Variants in CERS3 observed in about 807,000 individuals in gnomAD.
The protein encoded by CERS3 is ceramide synthase 3.
Under a neutral mutation model 50.3 loss-of-function variants are expected in CERS3, and 33 were observed. The observed-to-expected ratio is 0.66, with a 90% confidence interval of 0.50 to 0.88. The LOEUF is 0.88. Among genes scored for constraint, CERS3 ranks in the 40% least tolerant of loss-of-function variants. The pLI is 0.00. For synonymous variants in CERS3, 176 were observed against 155.2 expected, an observed-to-expected ratio of 1.13 and a Z score of -0.99; for missense variants, 470 against 460.3, an observed-to-expected ratio of 1.02 and a Z score of -0.19.
At chr15:100,433,952 A>C (rs1221097412) in intron 11 of CERS3, among the ~76,000 whole-genome samples, 1 of 152,208 alleles carries the variant, frequency 6.6e-6, no homozygotes, top group Non-Finnish European at 1.5e-5. Flanking sequence ...GCATGCAGGT[A>C]GATTTAGGGG....
At chr15:100,460,094 A>T (rs556188248) in intron 10 of CERS3, among the ~76,000 whole-genome samples, 79 of 152,278 alleles carry the variant, frequency 5.2e-4, no homozygotes, top group African/African-American at 1.8e-3. Context: ...CAAAGTAATT[A>T]AAAAAATTTT....
chr15:100,482,134 G>A (rs1249546981), intron 5 of CERS3, among the ~76,000 whole-genome samples: 1 of 152,182 alleles, frequency 6.6e-6, no homozygotes, highest in Non-Finnish European at 1.5e-5. Flanking sequence ...GAGAATTGCT[G>A]CACTTCACTG....
chr15:100,516,984 T>G (rs1449807849), intron 2 of CERS3, among the ~76,000 whole-genome samples: 1 of 152,200 alleles, frequency 6.6e-6, no homozygotes, highest in East Asian at 1.9e-4. Flanking sequence ...GAATGCCACT[T>G]TCACCACTTT....
chr15:100,406,709 C>T (rs776592306), intron 11 of CERS3, among the ~76,000 whole-genome samples: 25 of 152,152 alleles, frequency 1.6e-4, no homozygotes, highest in Non-Finnish European at 1.6e-4. Context: ...AGGAAAGGGC[C>T]ATGCTTGGTT....
intron 11 of CERS3, among the ~76,000 whole-genome samples, chr15:100,445,903 A>G (rs2033914741): frequency 1.3e-5 from 2 of 152,198 alleles, no homozygotes; most frequent in South Asian, 4.1e-4. Context: ...GTCCACCACA[A>G]AAGAAGTGAA....
intron 2 of CERS3, 73 bp from the exon 3 acceptor site, chr15:100,501,923 C>T: frequency 6.8e-7 from 1 of 1,481,200 alleles, no homozygotes; most frequent in East Asian, 2.3e-5. Context: ...ATCACCTTGG[C>T]TCAAAATGCC....
intron 3 of CERS3, among the ~76,000 whole-genome samples, chr15:100,501,122 G>C (rs958661546): frequency 3.9e-5 from 6 of 152,152 alleles, no homozygotes; most frequent in Non-Finnish European, 8.8e-5. Context: ...CTTTTTCTGA[G>C]AAAGCAAACT....
intron 1 of CERS3, among the ~76,000 whole-genome samples, chr15:100,536,174 G>C (rs1319863632): frequency 2.6e-5 from 4 of 152,124 alleles, no homozygotes; most frequent in Non-Finnish European, 5.9e-5. Context: ...GGGAAGTGGG[G>C]ATATTCCTAT....
intron 2 of CERS3, among the ~76,000 whole-genome samples, chr15:100,514,475 A>G (rs1226123703): frequency 6.6e-6 from 1 of 152,236 alleles, no homozygotes; most frequent in Non-Finnish European, 1.5e-5. Context: ...AAAATGTTCA[A>G]GTGTACCTGG....
At chr15:100,464,045 T>C (rs1194225968) in intron 10 of CERS3, among the ~76,000 whole-genome samples, 1 of 152,190 alleles carries the variant, frequency 6.6e-6, no homozygotes, top group African/African-American at 2.4e-5. Flanking sequence ...CATGGTCTCA[T>C]TGTCGATAAT....
At chr15:100,534,891 C>T (rs1321881533) in intron 1 of CERS3, among the ~76,000 whole-genome samples, 1 of 152,076 alleles carries the variant, frequency 6.6e-6, no homozygotes, top group Non-Finnish European at 1.5e-5. Flanking sequence ...AATGTTTTTA[C>T]AACTCTGAAA....
At chr15:100,504,214 A>G (rs2036099804) in intron 2 of CERS3, among the ~76,000 whole-genome samples, 2 of 150,854 alleles carry the variant, frequency 1.3e-5, no homozygotes, top group Non-Finnish European at 2.9e-5. Context: ...CCCCTGGAGA[A>G]AGGCTGCCTT....
At chr15:100,491,384 T>A (rs1397451622) in intron 3 of CERS3, among the ~76,000 whole-genome samples, 3 of 152,086 alleles carry the variant, frequency 2.0e-5, no homozygotes, top group African/African-American at 7.2e-5. Flanking sequence ...GATTGACGGG[T>A]GGTAGGGCAA....
In CERS3 at chr15:100,471,797, C is replaced by T. The variant is rs531359761; in HGVS notation, c.738+1127G>A. 2.6e-4 allele frequency among the ~76,000 whole-genome samples: 39 copies of T among 152,224 alleles called. 1 individual carries two copies. Among genetic ancestry groups the T allele is most frequent in the African/African-American group, 8.2e-4 (34 of 41,526 alleles). On this transcript the variant is annotated intron_variant, in intron 9 of 11. Coordinates refer to ENST00000679737, the MANE Select transcript of CERS3 (RefSeq NM_001378789.1). ...TACAGGGTAGAAACAAAATTCTGTA[C>T]GCAGAGGATATTTTAATAGTGGCCA...
intron 11 of CERS3, among the ~76,000 whole-genome samples, chr15:100,403,498 A>C (rs537990891): frequency 6.6e-6 from 1 of 152,316 alleles, no homozygotes; most frequent in Non-Finnish European, 1.5e-5. Flanking sequence ...CTAATAACTC[A>C]CTAGCAAGAC....
chr15:100,497,896 C>CACACACTT (rs1306094824), intron 3 of CERS3, among the ~76,000 whole-genome samples: 1 of 63,620 alleles, frequency 1.6e-5, no homozygotes, highest in East Asian at 4.1e-4. Flanking sequence ...CACACACACA[C>CACACACTT]TTTTTTTTTT....
At chr15:100,543,105 T>C (rs1405601249) in intron 1 of CERS3, among the ~76,000 whole-genome samples, 1 of 152,050 alleles carries the variant, frequency 6.6e-6, no homozygotes, top group Non-Finnish European at 1.5e-5. Flanking sequence ...ACAGGCAGGG[T>C]TTCACTATGT....
At chr15:100,470,671 C>G in intron 9 of CERS3, among the ~76,000 whole-genome samples, 1 of 152,138 alleles carries the variant, frequency 6.6e-6, no homozygotes, top group East Asian at 1.9e-4. Context: ...AGAACATATT[C>G]TGGATTGTGT....
rs548157137 is a variant in CERS3, at chr15:100,537,763, C to T, written c.-355+6888G>A. On this transcript the variant is annotated intron_variant, in intron 1 of 12. Coordinates refer to the CERS3 transcript ENST00000284382. ...AAACCATATCATCTGCCCATGGCCC[C>T]TCCCAAATCTCATGTCCCTTTCACA... 7.2e-5 allele frequency among the ~76,000 whole-genome samples: 11 copies of T among 152,292 alleles called. No homozygotes were observed. The South Asian group carries it at 8.3e-4, about 11-fold the overall frequency.
Sources: allele counts gnomAD v4.1 joint callset (sites outside exome capture counted in the v4.1 genomes callset), GRCh38; gene constraint gnomAD v4.1.1; transcripts MANE v1.5; gene names NCBI Gene and HGNC (gene_info 2026-07-23, HGNC 2026-07-21).